The following MRPS27 variants were observed in gnomAD, a reference collection of about 807,000 sequenced individuals.
MRPS27 encodes the protein mitochondrial ribosomal protein S27.
MRPS27 carries 43 observed loss-of-function variants against 48.9 expected under a neutral mutation model. That is an observed-to-expected ratio of 0.88 (90% CI 0.69 to 1.13). The LOEUF (loss-of-function observed/expected upper bound fraction) is 1.13. Among genes scored for constraint, MRPS27 ranks in the 50% most tolerant of loss-of-function variants. The probability of loss-of-function intolerance (pLI) is 0.00; values close to 1 mark genes in which losing one functional copy is unlikely to be tolerated. For synonymous variants in MRPS27, 188 were observed against 171.9 expected, an observed-to-expected ratio of 1.09 and a Z score of -0.73; for missense variants, 467 against 476.3, an observed-to-expected ratio of 0.98 and a Z score of 0.18.
At chr5:72,299,504 A>G (rs1314014608) in intron 2 of MRPS27, among the ~76,000 whole-genome samples, 1 of 152,226 alleles carries the variant, frequency 6.6e-6, no homozygotes, top group African/African-American at 2.4e-5. Flanking sequence ...TTTGAAATAT[A>G]TTAGCTATAT....
chr5:72,246,661 G>A (rs755232262), intron 4 of MRPS27, among the ~76,000 whole-genome samples: 2 of 152,038 alleles, frequency 1.3e-5, no homozygotes, highest in African/African-American at 4.8e-5. Context: ...GTGCTGGTAG[G>A]GACTTTCAAT....
At chr5:72,241,411 G>C (rs949110085) in intron 4 of MRPS27, 6 of 532,398 alleles carry the variant, frequency 1.1e-5, no homozygotes, top group Non-Finnish European at 2.0e-5. Context: ...CAGCCAGGAA[G>C]CAAATGAACT....
At chr5:72,237,985 A>G in intron 5 of MRPS27, 29 bp downstream of exon 5, 1 of 1,510,150 alleles carries the variant, frequency 6.6e-7, no homozygotes, top group African/African-American at 1.4e-5. Flanking sequence ...ACTCAGGAAA[A>G]CAGGCTGCAG....
intron 4 of MRPS27, among the ~76,000 whole-genome samples, chr5:72,238,425 AC>A (rs1748262194): frequency 1.3e-5 from 2 of 152,212 alleles, no homozygotes; most frequent in Non-Finnish European, 1.5e-5. Context: ...AAAATACTCT[AC>A]TAATCATGGC....
At position 72,295,579 on chromosome 5, in the gene MRPS27, T is replaced by C. The variant is rs1749956059; in HGVS notation, c.233A>G (p.Asn78Ser). 5 of 1,610,058 alleles carry C rather than the reference T, an allele frequency of 3.1e-6. No homozygotes were observed. In the South Asian group the frequency reaches 5.5e-5, roughly 18 times the overall value. The change falls in exon 4 of 11, where the codon AAC becomes AGC. Residue 78 changes from asparagine to serine, a missense_variant. Physicochemically the swap from Asn to Ser is conservative, Grantham distance 46. Coordinates refer to ENST00000261413, the MANE Select transcript of MRPS27 (RefSeq NM_015084.3). ...ATCTATCTCTTCCCGAGAGGAAATGTTGTCTATAAGCTAAAAGACAGAAAA... is the reference window on the plus strand; with the variant it reads ...ATCTATCTCTTCCCGAGAGGAAATGCTGTCTATAAGCTAAAAGACAGAAAA... Reference protein sequence around the residue: ...SSLTISRLIDNISSREEIDHA... With the variant: ...SSLTISRLIDSISSREEIDHA...
intron 4 of MRPS27, among the ~76,000 whole-genome samples, chr5:72,263,031 C>T (rs960700805): frequency 6.6e-6 from 1 of 152,122 alleles, no homozygotes; most frequent in Admixed American, 6.5e-5. Context: ...GTTAACCATA[C>T]ATCCAGAAAA....
chr5:72,303,917 A>G (rs1454377084), intron 2 of MRPS27, among the ~76,000 whole-genome samples: 2 of 151,658 alleles, frequency 1.3e-5, no homozygotes, highest in Non-Finnish European at 2.9e-5. Context: ...ATAAGGGCGA[A>G]ATGAAGACAT....
intron 2 of MRPS27, among the ~76,000 whole-genome samples, chr5:72,307,488 T>C (rs1190329319): frequency 6.6e-6 from 1 of 152,190 alleles, no homozygotes; most frequent in Non-Finnish European, 1.5e-5. Context: ...GAGATCTGTA[T>C]CAAAATATTT....
At chr5:72,269,534 T>C (rs73127260) in intron 4 of MRPS27, among the ~76,000 whole-genome samples, 1,663 of 152,316 alleles carry the variant, frequency 0.011, 28 homozygotes, top group African/African-American at 0.038. Flanking sequence ...ACAGGTATGA[T>C]GCTATTGAAT....
At chr5:72,278,308 T>C (rs1441868269) in intron 4 of MRPS27, among the ~76,000 whole-genome samples, 1 of 152,102 alleles carries the variant, frequency 6.6e-6, no homozygotes, top group East Asian at 1.9e-4. Flanking sequence ...CTGGGCATGG[T>C]GGCGAGCGCC....
intron 4 of MRPS27, among the ~76,000 whole-genome samples, chr5:72,243,381 T>G (rs80152083): frequency 2.8e-4 from 42 of 152,352 alleles, no homozygotes; most frequent in African/African-American, 9.9e-4. Context: ...TCAGAATTGT[T>G]AATTTCAAAA....
intron 2 of MRPS27, among the ~76,000 whole-genome samples, chr5:72,306,374 A>G (rs1403417943): frequency 6.6e-6 from 1 of 152,252 alleles, no homozygotes; most frequent in Non-Finnish European, 1.5e-5. Flanking sequence ...AACACTTACT[A>G]TGAAGTATTT....
At chr5:72,234,267 T>C (rs1748144394) in intron 5 of MRPS27, 70 bp from the exon 6 acceptor site, 5 of 1,209,388 alleles carry the variant, frequency 4.1e-6, no homozygotes, top group Non-Finnish European at 4.3e-6. Flanking sequence ...TATATGCCTA[T>C]GTATTATTCA....
chr5:72,287,531 T>C (rs1361153699), intron 4 of MRPS27, among the ~76,000 whole-genome samples: 1 of 152,028 alleles, frequency 6.6e-6, no homozygotes, highest in Non-Finnish European at 1.5e-5. Flanking sequence ...CCCAGCTACT[T>C]GGGAGGCTGA....
intron 5 of MRPS27, among the ~76,000 whole-genome samples, chr5:72,237,058 T>C (rs997487104): frequency 1.2e-4 from 18 of 152,108 alleles, no homozygotes; most frequent in African/African-American, 4.3e-4. Context: ...TAGCTGGGAC[T>C]ACAGGTCTCG....
chr5:72,284,088 T>G (rs933024074), intron 4 of MRPS27, among the ~76,000 whole-genome samples: 2 of 152,110 alleles, frequency 1.3e-5, no homozygotes, highest in Non-Finnish European at 2.9e-5. Context: ...CTTAAGAATC[T>G]GCAGATGACT....
chr5:72,248,739 G>T (rs1431447955), intron 4 of MRPS27, among the ~76,000 whole-genome samples: 2 of 137,882 alleles, frequency 1.5e-5, no homozygotes, highest in African/African-American at 2.7e-5. Context: ...AGGCTTAACT[G>T]AAGAAGTTTG....
intron 4 of MRPS27, among the ~76,000 whole-genome samples, chr5:72,244,014 G>T (rs1404620838): frequency 6.6e-6 from 1 of 152,034 alleles, no homozygotes; most frequent in African/African-American, 2.4e-5. Context: ...TATTAATTTT[G>T]TAAGAGGAAA....
At chr5:72,255,679 G>T (rs1322968948) in intron 4 of MRPS27, among the ~76,000 whole-genome samples, 4 of 152,232 alleles carry the variant, frequency 2.6e-5, no homozygotes, top group African/African-American at 7.2e-5. Flanking sequence ...CCTATATAAG[G>T]TAAGTATATT....
Sources: gnomAD v4.1 joint callset for allele counts (sites outside exome capture counted in the v4.1 genomes callset) on GRCh38, gnomAD v4.1.1 for gene constraint, MANE v1.5 for transcripts, NCBI Gene and HGNC (gene_info 2026-07-23, HGNC 2026-07-21) for gene names.